SMIM43: variants seen among roughly 807,000 people sequenced by gnomAD.
The protein encoded by SMIM43 is Nodal Enhanced MEsendoderm Peptide.
intron 3 of SMIM43, 145 bp from the exon 4 acceptor site, chr4:121,762,037 T>G (rs2110525077): frequency 1.5e-6 from 1 of 681,972 alleles, no homozygotes; most frequent in African/African-American, 1.8e-5. Context: ...AACCTTTTTA[T>G]TGAAAATAAA....
rs897161425 is a variant in SMIM43 at position 121,759,382 on chromosome 4, G to C, written c.*1592C>G. The C allele has an allele frequency of 6.6e-6, 1 of 152,170 alleles. No individual in the cohort carries two copies. Among genetic ancestry groups the C allele is most frequent in the East Asian group, 1.9e-4 (1 of 5,196 alleles). 9.4% of individuals were successfully genotyped at this position (152,170 alleles called of 1,614,324 possible). A position where few individuals can be genotyped will look rare whatever the true frequency, so the allele number is the denominator to read the frequency against. ...TGACTGACCCACACCTCTCCCAGCTGGTTCTACAACACAAGAAAGAGAATA... is the reference window on the plus strand; with the variant it reads ...TGACTGACCCACACCTCTCCCAGCTCGTTCTACAACACAAGAAAGAGAATA... On this transcript the variant is annotated 3_prime_UTR_variant, in exon 6 of 6. Transcript: ENST00000643802.
rs950292714 is a variant in SMIM43, at chr4:121,761,681, A to G, written c.*356T>C. 28 of 1,612,352 alleles carry G rather than the reference A, an allele frequency of 1.7e-5. No homozygotes were observed. The highest frequency in any genetic ancestry group is 3.4e-5 in the Admixed American group (2 of 59,584). ...TCGCACCAGATGGCATCAGTTCTGC[A>G]TCTACAGCTGTGCCCTAAAATTGAA... On this transcript the variant is annotated 3_prime_UTR_variant, in exon 5 of 6. Transcript: ENST00000643802.
At position 121,765,131 on chromosome 4, in the gene SMIM43, C is replaced by T. The variant is rs1316937388; in HGVS notation, c.-26G>A. On this transcript the variant is annotated 5_prime_UTR_variant, in exon 1 of 6. Coordinates refer to ENST00000643802, the MANE Select transcript of SMIM43 (RefSeq NM_001384332.1). ...GCTGGAGGCGCCGGCGCTCGCTGGC[C>T]CTGCGCGCTCGGCGCGGGCTGCAGC... 2.5e-6 allele frequency: 1 copy of T among 396,082 alleles called. No homozygotes were observed. The highest frequency in any genetic ancestry group is 4.5e-6 in the Non-Finnish European group (1 of 224,302). The allele number at this position is 396,082 out of a possible 1,614,324, so 24.5% of individuals were successfully genotyped here.
In SMIM43 at chr4:121,760,370, C is replaced by A; in HGVS notation, c.*604G>T. 1 of 1,611,000 alleles carries A rather than the reference C, an allele frequency of 6.2e-7. No homozygotes were observed. Among genetic ancestry groups the A allele is most frequent in the Non-Finnish European group, 8.5e-7 (1 of 1,178,364 alleles). On this transcript the variant is annotated 3_prime_UTR_variant, in exon 6 of 6. Transcript: ENST00000643802. ...GATGAAGGCAAAAGTTATTGGGCTGCTGAGGAAGCTCTTTAAAAGGAAGTG... is the reference window on the plus strand; with the variant it reads ...GATGAAGGCAAAAGTTATTGGGCTGATGAGGAAGCTCTTTAAAAGGAAGTG...
In SMIM43 at chr4:121,763,830, A is replaced by T. The variant is rs1254585666; in HGVS notation, c.*140T>A. 1 of 152,200 alleles carries T rather than the reference A, an allele frequency of 6.6e-6. No homozygotes were observed. Among genetic ancestry groups the T allele is most frequent in the African/African-American group, 2.4e-5 (1 of 41,418 alleles). 9.4% of individuals were successfully genotyped at this position (152,200 alleles called of 1,614,324 possible). ...TTTTGCAGGCCCAAACTGTCATTGCAGCTGTGGTCCCCTGAGCACCAGTCA... is the reference window on the plus strand; with the variant it reads ...TTTTGCAGGCCCAAACTGTCATTGCTGCTGTGGTCCCCTGAGCACCAGTCA... On this transcript the variant is annotated 3_prime_UTR_variant, in exon 2 of 6. Coordinates refer to ENST00000643802, the MANE Select transcript of SMIM43 (RefSeq NM_001384332.1).
At chr4:121,764,234 C>T (rs1039394435) in intron 1 of SMIM43, 1 of 152,162 alleles carries the variant, frequency 6.6e-6, no homozygotes, top group East Asian at 1.9e-4. Flanking sequence ...AAGCACTAAC[C>T]GTGGTTGGTG....
rs1168528821 is a variant in SMIM43, at chr4:121,765,147, G to C, written c.-42C>G. ...CTCGCTGGCCCTGCGCGCTCGGCGC[G>C]GGCTGCAGCTGGAGGGCGAGCGCGC... On this transcript the variant is annotated 5_prime_UTR_variant, in exon 1 of 6. Transcript: ENST00000643802. 19 of 394,854 alleles carry C rather than the reference G, an allele frequency of 4.8e-5. No individual in the cohort carries two copies. The highest frequency in any genetic ancestry group is 4.5e-5 in the Non-Finnish European group (10 of 223,646). 24.5% of individuals were successfully genotyped at this position (394,854 alleles called of 1,614,324 possible).
chr4:121,761,174 T>G (rs2110523028), intron 5 of SMIM43, among the ~76,000 whole-genome samples: 1 of 152,326 alleles, frequency 6.6e-6, no homozygotes, highest in Non-Finnish European at 1.5e-5. Flanking sequence ...TAACCTTCTC[T>G]TGTATGTGAC....
chr4:121,760,028 T>C lies in SMIM43; in HGVS notation c.*946A>G, dbSNP rs1227280019. The stretch of plus-strand genomic sequence containing the variant: ...GATATTGACTGAGAGAGGTCAGCCC[T>C]GTCAAGAGTTTTGTGAGAACACCTG... On this transcript the variant is annotated 3_prime_UTR_variant, in exon 6 of 6. Transcript: ENST00000643802. 1.3e-5 allele frequency: 4 copies of C among 306,150 alleles called. No individual in the cohort carries two copies. The highest frequency in any genetic ancestry group is 2.3e-5 in the Non-Finnish European group (4 of 170,462). The allele number at this position is 306,150 out of a possible 1,614,324, so 19.0% of individuals were successfully genotyped here.
chr4:121,760,216 C>T lies in SMIM43; in HGVS notation c.*758G>A. 6.5e-7 allele frequency: 1 copy of T among 1,527,596 alleles called. No individual in the cohort carries two copies. Among genetic ancestry groups the T allele is most frequent in the Non-Finnish European group, 8.8e-7 (1 of 1,140,008 alleles). 94.6% of individuals were successfully genotyped at this position (1,527,596 alleles called of 1,614,324 possible). ...TGTTAGTTGTCCTCCCAAGATCCAC[C>T]ATCATCTTCTTCTTCATCAAGAGAA... is the stretch of plus-strand genomic sequence containing the variant. On this transcript the variant is annotated 3_prime_UTR_variant, in exon 6 of 6. Coordinates refer to ENST00000643802, the MANE Select transcript of SMIM43 (RefSeq NM_001384332.1).
At chr4:121,762,617 A>C (rs1455195996) in intron 3 of SMIM43, 110 bp downstream of exon 3, 1 of 152,204 alleles carries the variant, frequency 6.6e-6, no homozygotes. Context: ...GGAGTTAATA[A>C]AATGGCCCTG....
Position 121,761,850 on chromosome 4 carries a change from C to T in SMIM43, c.*321G>A. The T allele has an allele frequency of 6.2e-7, 1 of 1,613,126 alleles. No individual in the cohort carries two copies. Among genetic ancestry groups the T allele is most frequent in the Non-Finnish European group, 8.5e-7 (1 of 1,179,760 alleles). Reference sequence around the variant, plus strand: ...CTTACAAGTTTGGAAATTAGTGCAACAGCCAAGATTGTCCTGATAAGATCT... The same window carrying T: ...CTTACAAGTTTGGAAATTAGTGCAATAGCCAAGATTGTCCTGATAAGATCT... On this transcript the variant is annotated 3_prime_UTR_variant, in exon 4 of 6. Coordinates refer to ENST00000643802, the MANE Select transcript of SMIM43 (RefSeq NM_001384332.1).
intron 2 of SMIM43, among the ~76,000 whole-genome samples, chr4:121,763,276 C>T (rs1174388427): frequency 6.6e-6 from 1 of 152,190 alleles, no homozygotes; most frequent in African/African-American, 2.4e-5. Flanking sequence ...TTGTCTTACA[C>T]TTCACTTTTA....
rs1428301882 is a variant in SMIM43 at position 121,761,584 on chromosome 4, G to T, written c.*453C>A. On this transcript the variant is annotated 3_prime_UTR_variant, in exon 5 of 6. Transcript: ENST00000643802. ...TGCAAGCGAACCAAAAACAAATCCT[G>T]GCACCTTGCCATTCCCAGAAAAGCC... 6.2e-7 allele frequency: 1 copy of T among 1,613,030 alleles called. No individual in the cohort carries two copies. The highest frequency in any genetic ancestry group is 1.1e-5 in the South Asian group (1 of 90,654).
intron 3 of SMIM43, among the ~76,000 whole-genome samples, chr4:121,762,188 ACAGGGGATCGT>A (rs1215866059): frequency 2.0e-5 from 3 of 152,188 alleles, no homozygotes; most frequent in Non-Finnish European, 4.4e-5. Flanking sequence ...GATTGTCAGA[ACAGGGGATCGT>A]CAGGGGATGG....
Position 121,760,458 on chromosome 4 carries a change from G to A in SMIM43, c.*516C>T, listed in dbSNP as rs1259740043. 2 of 1,547,766 alleles carry A rather than the reference G, an allele frequency of 1.3e-6. No homozygotes were observed. The highest frequency in any genetic ancestry group is 1.2e-5 in the South Asian group (1 of 83,732). On this transcript the variant is annotated 3_prime_UTR_variant, in exon 6 of 6. Coordinates refer to ENST00000643802, the MANE Select transcript of SMIM43 (RefSeq NM_001384332.1). ...CCTCCTTCTTCTTGTGGGGTGCTGCGGGGACCATCTTGGAACCTGGAGGAA... is the reference window on the plus strand; with the variant it reads ...CCTCCTTCTTCTTGTGGGGTGCTGCAGGGACCATCTTGGAACCTGGAGGAA...
intron 3 of SMIM43, 144 bp from the exon 4 acceptor site, chr4:121,762,036 A>G: frequency 1.5e-6 from 1 of 680,472 alleles, no homozygotes; most frequent in South Asian, 2.1e-5. Flanking sequence ...AAACCTTTTT[A>G]TTGAAAATAA....
At chr4:121,765,305 G>A (rs1349182177), upstream of SMIM43, 1 of 361,046 alleles carries the variant, frequency 2.8e-6, no homozygotes, top group Non-Finnish European at 4.9e-6. Context: ...ATCCGGCGCA[G>A]ACTCTCCCAG....
rs565921837 is a variant in SMIM43 at position 121,764,897 on chromosome 4, C to T, written c.*17G>A. ...CCCGCGCAGCTCGGTGCCCTCCCGC[C>T]AGTGCCCGCACTCGGGTCACACCGC... On this transcript the variant is annotated 3_prime_UTR_variant, in exon 1 of 6. Coordinates refer to ENST00000643802, the MANE Select transcript of SMIM43 (RefSeq NM_001384332.1). The T allele has an allele frequency of 1.5e-5, 6 of 398,156 alleles. No individual in the cohort carries two copies. Among genetic ancestry groups the T allele is most frequent in the Non-Finnish European group, 4.4e-6 (1 of 225,574 alleles). The allele number at this position is 398,156 out of a possible 1,614,324, so 24.7% of individuals were successfully genotyped here.
Sources: gnomAD v4.1 joint callset for allele counts (sites outside exome capture counted in the v4.1 genomes callset) on GRCh38, gnomAD v4.1.1 for gene constraint, MANE v1.5 for transcripts, NCBI Gene and HGNC (gene_info 2026-07-23, HGNC 2026-07-21) for gene names.